Variants in ARHGAP15 observed in about 807,000 individuals in gnomAD.
ARHGAP15 encodes the protein Rho GTPase activating protein 15.
A neutral mutation model predicts 63.7 loss-of-function variants in ARHGAP15; 51 were observed. The ratio of observed to expected loss-of-function variants is 0.80; its 90% CI spans 0.64 to 1.01. ARHGAP15 has a LOEUF of 1.01. ARHGAP15 is among the 50% of genes least tolerant of loss of function. The pLI, the probability that ARHGAP15 is intolerant of heterozygous loss-of-function variation, is 0.00. For synonymous variants in ARHGAP15, 191 were observed against 193.8 expected (o/e 0.99, Z 0.12); for missense variants, 560 against 564.6 (o/e 0.99, Z 0.08).
intron 6 of ARHGAP15, among the ~76,000 whole-genome samples, chr2:143,378,560 C>T (rs1318628868): frequency 6.6e-6 from 1 of 152,040 alleles, no homozygotes; most frequent in African/African-American, 2.4e-5. Flanking sequence ...AAAGAATATA[C>T]TTCCAAAACA....
chr2:143,147,059 A>G (rs1230111802), intron 1 of ARHGAP15, among the ~76,000 whole-genome samples: 1 of 152,090 alleles, frequency 6.6e-6, no homozygotes, highest in Non-Finnish European at 1.5e-5. Flanking sequence ...TGCCTGATAA[A>G]AAGACTTTGC....
At chr2:143,682,950 TC>T (rs1337576043) in intron 12 of ARHGAP15, 1 of 152,196 alleles carries the variant, frequency 6.6e-6, no homozygotes, top group Admixed American at 6.5e-5. Context: ...CTGAATACAT[TC>T]CCGGAGTTAT....
intron 6 of ARHGAP15, among the ~76,000 whole-genome samples, chr2:143,281,310 G>C (rs1473790795): frequency 6.6e-6 from 1 of 152,106 alleles, no homozygotes; most frequent in African/African-American, 2.4e-5. Flanking sequence ...GTAATCACAA[G>C]ACACCATTAG....
intron 6 of ARHGAP15, among the ~76,000 whole-genome samples, chr2:143,252,133 C>A (rs1454405826): frequency 3.3e-5 from 5 of 151,980 alleles, no homozygotes; most frequent in African/African-American, 1.2e-4. Flanking sequence ...TGGAGATGGG[C>A]TAAGCCAGCC....
intron 1 of ARHGAP15, among the ~76,000 whole-genome samples, chr2:143,152,990 C>CA (rs971331451): frequency 2.0e-5 from 3 of 152,082 alleles, no homozygotes; most frequent in African/African-American, 7.2e-5. Context: ...CCCATGAAAA[C>CA]AGAGGTGGGG....
intron 12 of ARHGAP15, among the ~76,000 whole-genome samples, chr2:143,665,819 T>C (rs1682138815): frequency 6.6e-6 from 1 of 151,118 alleles, no homozygotes; most frequent in Non-Finnish European, 1.5e-5. Context: ...CCATTCACAA[T>C]TGCTTCAAAG....
At chr2:143,504,198 C>A (rs1014399983) in intron 9 of ARHGAP15, among the ~76,000 whole-genome samples, 2 of 152,176 alleles carry the variant, frequency 1.3e-5, no homozygotes, top group African/African-American at 4.8e-5. Flanking sequence ...TGCACAATCC[C>A]AGGCTTAGGA....
At chr2:143,551,862 A>G (rs1020719448) in intron 10 of ARHGAP15, among the ~76,000 whole-genome samples, 3 of 152,226 alleles carry the variant, frequency 2.0e-5, no homozygotes, top group Non-Finnish European at 2.9e-5. Flanking sequence ...ATCGAATTTA[A>G]AGTGTGTGAA....
rs751478576 is a variant in ARHGAP15, at chr2:143,605,339, C to T, written c.1004-18794C>T. ...AAGCTCTTTGCTCTGTCCACCTCAG[C>T]GCCATAGCTGAATTCTCATATGAAG... is the stretch of plus-strand genomic sequence containing the variant. On this transcript the variant is annotated intron_variant, in intron 11 of 13. Coordinates refer to ENST00000295095, the MANE Select transcript of ARHGAP15 (RefSeq NM_018460.4). Among the ~76,000 whole-genome samples the T allele has an allele frequency of 2.0e-4, 31 of 152,144 alleles. 1 individual carries two copies. The highest frequency in any genetic ancestry group is 1.9e-3 in the Admixed American group (29 of 15,276).
chr2:143,757,492 C>G (rs977391405), intron 13 of ARHGAP15, among the ~76,000 whole-genome samples: 2 of 151,932 alleles, frequency 1.3e-5, no homozygotes, highest in African/African-American at 4.8e-5. Flanking sequence ...GCCTGGGTGA[C>G]AGAGTGAGAC....
chr2:143,676,319 A>T (rs1682823681), intron 12 of ARHGAP15: 1 of 152,234 alleles, frequency 6.6e-6, no homozygotes. Flanking sequence ...TGTTCACTGG[A>T]GTAGCACTTT....
intron 11 of ARHGAP15, among the ~76,000 whole-genome samples, chr2:143,582,643 CTGTG>C (rs1248108862): frequency 6.6e-6 from 1 of 152,150 alleles, no homozygotes; most frequent in Non-Finnish European, 1.5e-5. Flanking sequence ...TTCAGAAAGT[CTGTG>C]TGGGTTGGGA....
chr2:143,476,924 G>T (rs1304637191), intron 8 of ARHGAP15, among the ~76,000 whole-genome samples: 1 of 152,172 alleles, frequency 6.6e-6, no homozygotes, highest in African/African-American at 2.4e-5. Flanking sequence ...CAGTTAGGAA[G>T]AAGCACTTGA....
intron 6 of ARHGAP15, among the ~76,000 whole-genome samples, chr2:143,361,219 T>C (rs1428181186): frequency 6.6e-6 from 1 of 152,236 alleles, no homozygotes; most frequent in Non-Finnish European, 1.5e-5. Context: ...ATCCAATTTA[T>C]CAAAATCCTT....
chr2:143,628,993 G>C (rs1053252779), intron 12 of ARHGAP15, among the ~76,000 whole-genome samples: 1 of 152,072 alleles, frequency 6.6e-6, no homozygotes, highest in African/African-American at 2.4e-5. Context: ...AAGGTGGTTA[G>C]ACCAAACAGA....
chr2:143,581,648 G>T (rs1428959183), intron 11 of ARHGAP15, among the ~76,000 whole-genome samples: 10 of 152,092 alleles, frequency 6.6e-5, no homozygotes, highest in African/African-American at 2.4e-4. Context: ...CTACTGCCTG[G>T]CAAAGGGATT....
intron 6 of ARHGAP15, among the ~76,000 whole-genome samples, chr2:143,252,082 A>C (rs1053671505): frequency 5.9e-5 from 9 of 152,058 alleles, no homozygotes; most frequent in African/African-American, 2.2e-4. Context: ...AAAGATGTTG[A>C]AATTTGTCAT....
At chr2:143,387,885 GCACATA>G (rs999409033) in intron 6 of ARHGAP15, among the ~76,000 whole-genome samples, 107 of 149,728 alleles carry the variant, frequency 7.1e-4, no homozygotes, top group Admixed American at 2.4e-3. Context: ...ACGCATGCGT[GCACATA>G]CACATACACG....
chr2:143,253,664 A>T (rs1249857385), intron 6 of ARHGAP15, among the ~76,000 whole-genome samples: 1 of 151,284 alleles, frequency 6.6e-6, no homozygotes, highest in African/African-American at 2.4e-5. Flanking sequence ...ATAATAAAAG[A>T]ATTCTATAAT....
Sources: allele counts gnomAD v4.1 joint callset (sites outside exome capture counted in the v4.1 genomes callset), GRCh38; gene constraint gnomAD v4.1.1; transcripts MANE v1.5; gene names NCBI Gene and HGNC (gene_info 2026-07-23, HGNC 2026-07-21).